NME7: variants seen among roughly 807,000 people sequenced by gnomAD.
NME7 encodes the protein nucleoside diphosphate kinase 7.
In NME7, 41 loss-of-function variants were observed where a neutral mutation model predicts 49.1. That is an observed-to-expected ratio of 0.83 (90% CI 0.65 to 1.08). The LOEUF is 1.08. NME7 is among the 50% of genes least tolerant of loss of function. The pLI, the probability that NME7 is intolerant of heterozygous loss-of-function variation, is 0.00. For synonymous variants in NME7, 139 were observed against 150.6 expected (o/e 0.92, Z 0.56); for missense variants, 423 against 463.4 (o/e 0.91, Z 0.80).
chr1:169,189,309 TAAAAC>T (rs67600092), intron 10 of NME7, among the ~76,000 whole-genome samples: 12,538 of 152,196 alleles, frequency 0.082, 696 homozygotes, highest in Admixed American at 0.19. Context: ...CATGCACTCT[TAAAAC>T]AATGAATGTT....
At chr1:169,183,727 G>A (rs1456838912) in intron 10 of NME7, among the ~76,000 whole-genome samples, 5 of 152,042 alleles carry the variant, frequency 3.3e-5, no homozygotes, top group African/African-American at 7.2e-5. Flanking sequence ...GCGTGAACCC[G>A]GGAGGTAGAA....
intron 7 of NME7, chr1:169,285,576 G>C: frequency 6.8e-6 from 1 of 146,580 alleles, no homozygotes; most frequent in East Asian, 2.6e-4. Flanking sequence ...AAACAAACAG[G>C]GTTTGCATCC....
chr1:169,285,810 T>C (rs2101894136), intron 7 of NME7: 1 of 152,320 alleles, frequency 6.6e-6, no homozygotes, highest in Non-Finnish European at 1.5e-5. Context: ...CCTAAGGATT[T>C]ACAATATACT....
rs1211486983 is a variant in NME7, at chr1:169,259,469, G to C, written c.755-21782C>G. Among the ~76,000 whole-genome samples, 4 of 133,500 alleles carry C rather than the reference G, an allele frequency of 3.0e-5. 1 individual carries two copies. In the East Asian group the frequency reaches 8.0e-4, roughly 27 times the overall value. 87.6% of individuals were successfully genotyped at this position (133,500 alleles called of 152,430 possible). A position where few individuals can be genotyped will look rare whatever the true frequency, so the allele number is the denominator to read the frequency against. On this transcript the variant is annotated intron_variant, in intron 7 of 11. Transcript: ENST00000367811. The stretch of plus-strand genomic sequence containing the variant: ...CATTTTGTTGTGTTTCCTTCTATTT[G>C]AAAGGGAAGGAAGAAAATGCAACAA...
intron 7 of NME7, among the ~76,000 whole-genome samples, chr1:169,279,599 C>T (rs1422446719): frequency 6.6e-6 from 1 of 152,218 alleles, no homozygotes; most frequent in East Asian, 1.9e-4. Flanking sequence ...TCACCCCTTT[C>T]CTTGACCAGG....
chr1:169,324,379 A>G lies in NME7; in HGVS notation c.111+14T>C, dbSNP rs1651972029. 1 of 1,551,206 alleles carries G rather than the reference A, an allele frequency of 6.4e-7. No homozygotes were observed. Among genetic ancestry groups the G allele is most frequent in the African/African-American group, 1.4e-5 (1 of 73,640 alleles). ...CCCCTTTGCCAACATTCAAGCAAAG[A>G]AAGGCTTATTTACCATTTCAACAGA... is the stretch of plus-strand genomic sequence containing the variant. On this transcript the variant is annotated intron_variant, in intron 2 of 11. Coordinates refer to ENST00000367811, the MANE Select transcript of NME7 (RefSeq NM_013330.5).
At chr1:169,182,180 A>AAAAAAAC (rs1553243362) in intron 10 of NME7, among the ~76,000 whole-genome samples, 2 of 148,372 alleles carry the variant, frequency 1.3e-5, no homozygotes, top group African/African-American at 2.5e-5. Context: ...AATTTAAAAA[A>AAAAAAAC]AAAAAAAAAC....
intron 6 of NME7, among the ~76,000 whole-genome samples, chr1:169,290,195 A>G (rs935438188): frequency 6.6e-6 from 1 of 152,120 alleles, no homozygotes; most frequent in East Asian, 1.9e-4. Context: ...TATACTAATA[A>G]TTTTATTATG....
At chr1:169,220,885 G>C (rs1265383978) in intron 10 of NME7, among the ~76,000 whole-genome samples, 2 of 152,148 alleles carry the variant, frequency 1.3e-5, no homozygotes, top group Non-Finnish European at 2.9e-5. Context: ...ATGTTAATCT[G>C]TGGATATGCC....
At chr1:169,169,136 A>C in intron 11 of NME7, 1 of 439,218 alleles carries the variant, frequency 2.3e-6, no homozygotes, top group Non-Finnish European at 4.3e-6. Context: ...TCAAAGTTGC[A>C]GTCCAAAATC....
intron 11 of NME7, among the ~76,000 whole-genome samples, chr1:169,165,131 T>C (rs574949093): frequency 2.6e-5 from 4 of 152,222 alleles, no homozygotes; most frequent in Middle Eastern, 3.4e-3. Flanking sequence ...AATCACAAAA[T>C]TGACTGGGTC....
chr1:169,172,169 T>A (rs1486121625), intron 10 of NME7, among the ~76,000 whole-genome samples: 1 of 152,072 alleles, frequency 6.6e-6, no homozygotes. Context: ...CCAGTACCCC[T>A]ACCCCTTCTG....
intron 1 of NME7, among the ~76,000 whole-genome samples, chr1:169,355,255 CTATA>C (rs1398549079): frequency 4.1e-4 from 6 of 14,534 alleles, no homozygotes; most frequent in Non-Finnish European, 6.9e-4. Flanking sequence ...TATATTATAT[CTATA>C]TATAATATAT....
At chr1:169,335,605 A>T (rs1249444341) in intron 1 of NME7, among the ~76,000 whole-genome samples, 1 of 151,590 alleles carries the variant, frequency 6.6e-6, no homozygotes, top group African/African-American at 2.4e-5. Flanking sequence ...AGGTGCAGCA[A>T]ATCACCATGG....
intron 1 of NME7, among the ~76,000 whole-genome samples, chr1:169,341,682 A>G (rs1652707055): frequency 6.6e-6 from 1 of 152,172 alleles, no homozygotes; most frequent in Non-Finnish European, 1.5e-5. Context: ...GGAGCTGCCA[A>G]TGCCCTGGGA....
At chr1:169,238,477 G>GCACACACACACACACACACACACA (rs138287537) in intron 7 of NME7, among the ~76,000 whole-genome samples, 1 of 124,066 alleles carries the variant, frequency 8.1e-6, no homozygotes, top group African/African-American at 2.9e-5. Flanking sequence ...ATGCACAAAG[G>GCACACACACACACACACACACACA]CACACACACA....
intron 11 of NME7, among the ~76,000 whole-genome samples, chr1:169,166,673 C>G (rs1040301842): frequency 1.3e-5 from 2 of 152,132 alleles, no homozygotes; most frequent in African/African-American, 4.8e-5. Context: ...GGTAAAAAGT[C>G]ATTTAAAGTT....
intron 7 of NME7, among the ~76,000 whole-genome samples, chr1:169,245,568 T>C (rs1381063206): frequency 6.6e-6 from 1 of 152,230 alleles, no homozygotes; most frequent in African/African-American, 2.4e-5. Flanking sequence ...TTAATCGTGA[T>C]GTAGCCAAGA....
At position 169,264,157 on chromosome 1, in the gene NME7, C is replaced by G. The variant is rs183181908; in HGVS notation, c.754+23146G>C. Among the ~76,000 whole-genome samples, 5 of 133,118 alleles carry G rather than the reference C, an allele frequency of 3.8e-5. No homozygotes were observed. The East Asian group carries it at 9.9e-4, about 26-fold the overall frequency. 87.3% of individuals were successfully genotyped at this position (133,118 alleles called of 152,430 possible). ...CCACTACAAAACACACTTAAGTACA[C>G]AGACAAGTGATACTATGAAGCAACC... On this transcript the variant is annotated intron_variant, in intron 7 of 11. Transcript: ENST00000367811.
Sources: allele counts gnomAD v4.1 joint callset (sites outside exome capture counted in the v4.1 genomes callset), GRCh38; gene constraint gnomAD v4.1.1; transcripts MANE v1.5; gene names NCBI Gene and HGNC (gene_info 2026-07-23, HGNC 2026-07-21).